CDC42SE2: variants seen among roughly 807,000 people sequenced by gnomAD.
CDC42SE2 encodes the protein CDC42 small effector protein 2.
A neutral mutation model predicts 11.5 loss-of-function variants in CDC42SE2; 3 were observed. The ratio of observed to expected loss-of-function variants is 0.26; its 90% CI spans 0.12 to 0.67. The LOEUF (loss-of-function observed/expected upper bound fraction) is 0.67, where lower values mean the gene tolerates loss of function less well. Among genes scored for constraint, CDC42SE2 ranks in the 30% least tolerant of loss-of-function variants. The pLI is 0.80. For missense variants in CDC42SE2, 82 were observed against 106.8 expected (o/e 0.77, Z 1.02); for synonymous variants, 33 against 34.8 (o/e 0.95, Z 0.18).
upstream of CDC42SE2, chr5:131,245,381 C>G (rs1756572630): frequency 6.6e-6 from 1 of 151,898 alleles, no homozygotes; most frequent in Non-Finnish European, 1.5e-5. Context: ...AACAATTGAC[C>G]AGGTTCATAG....
At chr5:131,235,481 G>A in the CDC42SE2 span, among the ~76,000 whole-genome samples, 8 of 151,406 alleles carry the variant, frequency 5.3e-5, no homozygotes, top group African/African-American at 1.9e-4. Context: ...GTAGAGACGG[G>A]GTTTCACCAT....
At chr5:131,357,717 T>G (rs1207454725) in intron 2 of CDC42SE2, among the ~76,000 whole-genome samples, 1 of 152,220 alleles carries the variant, frequency 6.6e-6, no homozygotes, top group Non-Finnish European at 1.5e-5. Context: ...AAGGCTCATT[T>G]TCTTCATTCT....
intron 1 of CDC42SE2, among the ~76,000 whole-genome samples, chr5:131,270,596 TTCAC>T (rs1327532156): frequency 6.6e-6 from 1 of 152,186 alleles, no homozygotes; most frequent in Non-Finnish European, 1.5e-5. Context: ...AAATACAACT[TTCAC>T]TGTGCCTTCA....
chr5:131,322,459 T>A (rs1758212242), intron 2 of CDC42SE2, among the ~76,000 whole-genome samples: 1 of 152,236 alleles, frequency 6.6e-6, no homozygotes, highest in Non-Finnish European at 1.5e-5. Flanking sequence ...TAGTATAGTG[T>A]TCGTAAGGCT....
chr5:131,356,819 G>A (rs1162536213), intron 2 of CDC42SE2, among the ~76,000 whole-genome samples: 6 of 151,978 alleles, frequency 3.9e-5, no homozygotes, highest in African/African-American at 1.5e-4. Context: ...AAGGCAGGAG[G>A]ATCACCTGAG....
the CDC42SE2 span, among the ~76,000 whole-genome samples, chr5:131,232,494 A>G: frequency 6.6e-6 from 1 of 152,184 alleles, no homozygotes; most frequent in Non-Finnish European, 1.5e-5. Context: ...GCACTTTGGG[A>G]GGCTGAGGCG....
upstream of CDC42SE2, among the ~76,000 whole-genome samples, chr5:131,241,000 A>G (rs1224744317): frequency 4.6e-5 from 7 of 150,592 alleles, no homozygotes; most frequent in Admixed American, 4.6e-4. Flanking sequence ...GTTTTTTGAG[A>G]CGGAGTCTTG....
chr5:131,241,161 G>A (rs963305227), upstream of CDC42SE2, among the ~76,000 whole-genome samples: 8 of 151,558 alleles, frequency 5.3e-5, no homozygotes, highest in Non-Finnish European at 1.2e-4. Context: ...TGTATTTTTA[G>A]TAGAGAAGGG....
intron 2 of CDC42SE2, among the ~76,000 whole-genome samples, chr5:131,349,268 C>G (rs924617937): frequency 6.9e-6 from 1 of 144,588 alleles, no homozygotes; most frequent in Admixed American, 7.4e-5. Flanking sequence ...ACCGCATGTT[C>G]TCACTCATAG....
intron 2 of CDC42SE2, among the ~76,000 whole-genome samples, chr5:131,318,187 C>A (rs531879430): frequency 6.6e-6 from 1 of 152,072 alleles, no homozygotes; most frequent in Non-Finnish European, 1.5e-5. Context: ...GGTCTACCTG[C>A]GTTGGCCTCC....
intron 2 of CDC42SE2, among the ~76,000 whole-genome samples, chr5:131,336,204 A>G (rs554552890): frequency 1.3e-5 from 2 of 152,096 alleles, no homozygotes; most frequent in African/African-American, 2.4e-5. Flanking sequence ...TCTGTAAAGG[A>G]TTTTATTTCT....
chr5:131,224,445 G>A, the CDC42SE2 span, among the ~76,000 whole-genome samples: 1 of 151,978 alleles, frequency 6.6e-6, no homozygotes, highest in Admixed American at 6.5e-5. Flanking sequence ...TTCTCTCTCT[G>A]CCACATCTCA....
intron 3 of CDC42SE2, among the ~76,000 whole-genome samples, chr5:131,368,846 G>A (rs906061706): frequency 6.6e-6 from 1 of 152,004 alleles, no homozygotes; most frequent in African/African-American, 2.4e-5. Context: ...AAAAGATAAG[G>A]ACTCTTATTT....
chr5:131,222,219 T>C, the CDC42SE2 span, among the ~76,000 whole-genome samples: 3 of 152,360 alleles, frequency 2.0e-5, no homozygotes, highest in East Asian at 3.9e-4. Context: ...AATCTCATAA[T>C]GCAAAGATGA....
At chr5:131,373,895 T>A (rs868544711) in intron 3 of CDC42SE2, among the ~76,000 whole-genome samples, 2 of 152,260 alleles carry the variant, frequency 1.3e-5, no homozygotes, top group Middle Eastern at 3.4e-3. Context: ...CTGGAAGATG[T>A]AGTTCATTCT....
upstream of CDC42SE2, among the ~76,000 whole-genome samples, chr5:131,259,610 T>C (rs1561562913): frequency 2.0e-5 from 3 of 152,228 alleles, no homozygotes; most frequent in African/African-American, 7.2e-5. Flanking sequence ...GGTGGTTTCT[T>C]CTCTTGTATC....
intron 1 of CDC42SE2, among the ~76,000 whole-genome samples, chr5:131,297,501 C>T (rs1366116497): frequency 1.3e-5 from 2 of 151,878 alleles, no homozygotes; most frequent in East Asian, 1.9e-4. Flanking sequence ...GGGTGGATCA[C>T]GAGGTCAGGA....
the CDC42SE2 span, among the ~76,000 whole-genome samples, chr5:131,210,189 T>C: frequency 6.6e-6 from 1 of 152,300 alleles, no homozygotes; most frequent in East Asian, 1.9e-4. Context: ...CTCTTTTCTT[T>C]ATGAATTACC....
At position 131,272,585 on chromosome 5, in the gene CDC42SE2, A is replaced by G. The variant is rs144670357; in HGVS notation, c.-455+8419A>G. ...CCTTTTAAGGACATTGCATTGCTTC[A>G]GTATTCATCTCATTCTCCTGCATTC... On this transcript the variant is annotated intron_variant, in intron 1 of 4. Coordinates refer to ENST00000505065, the MANE Select transcript of CDC42SE2 (RefSeq NM_001375635.1). 8.5e-5 allele frequency among the ~76,000 whole-genome samples: 13 copies of G among 152,292 alleles called. No individual in the cohort carries two copies. The East Asian group carries it at 2.5e-3, about 29-fold the overall frequency.
Sources: gnomAD v4.1 joint callset for allele counts (sites outside exome capture counted in the v4.1 genomes callset) on GRCh38, gnomAD v4.1.1 for gene constraint, MANE v1.5 for transcripts, NCBI Gene and HGNC (gene_info 2026-07-23, HGNC 2026-07-21) for gene names.